DOCK1: variants seen among roughly 807,000 people sequenced by gnomAD.
DOCK1 encodes dedicator of cytokinesis 1, also known as dedicator of cytokinesis protein 1.
In DOCK1, 138 loss-of-function variants were observed where a neutral mutation model predicts 262.7. That is an observed-to-expected ratio of 0.53 (90% confidence interval 0.46 to 0.61). The LOEUF (loss-of-function observed/expected upper bound fraction) is 0.61. Ranked by LOEUF, DOCK1 falls within the 20% of genes least tolerant of loss-of-function variation. The pLI is 0.00. For synonymous variants in DOCK1, 866 were observed against 867.4 expected (o/e 1.00, Z 0.03); for missense variants, 1,908 against 2,370.7 (o/e 0.80, Z 4.05).
rs1592041265 is a variant in DOCK1 at position 127,104,055 on chromosome 10, C to A, written c.2446-2176C>A. ...GAGTGTCTTTTCAAGTACTTATTTGCCATCCATCTATCTTCTATGGAGAAT... is the reference window on the plus strand; with the variant it reads ...GAGTGTCTTTTCAAGTACTTATTTGACATCCATCTATCTTCTATGGAGAAT... On this transcript the variant is annotated intron_variant, in intron 23 of 51. Coordinates refer to ENST00000623213, the MANE Select transcript of DOCK1 (RefSeq NM_001290223.2). 2.0e-5 allele frequency among the ~76,000 whole-genome samples: 3 copies of A among 152,142 alleles called. No homozygotes were observed. In the South Asian group the frequency reaches 6.2e-4, roughly 32 times the overall value.
At chr10:127,102,004 A>G (rs1377178314) in intron 23 of DOCK1, among the ~76,000 whole-genome samples, 2 of 152,110 alleles carry the variant, frequency 1.3e-5, no homozygotes, top group Non-Finnish European at 2.9e-5. Flanking sequence ...AATTATTACG[A>G]TTTAGTGCTC....
At chr10:127,217,897 T>G (rs964839553) in intron 27 of DOCK1, among the ~76,000 whole-genome samples, 1 of 152,238 alleles carries the variant, frequency 6.6e-6, no homozygotes, top group Non-Finnish European at 1.5e-5. Flanking sequence ...AGTTTTATTT[T>G]TATGCATATG....
rs1373675641 is a variant in DOCK1, at chr10:127,175,525, C to G, written c.2847+47761C>G. The G allele has an allele frequency of 6.2e-7, 1 of 1,609,708 alleles. No homozygotes were observed. The highest frequency in any genetic ancestry group is 8.5e-7 in the Non-Finnish European group (1 of 1,180,012). On this transcript the variant is annotated intron_variant, in intron 27 of 51. Coordinates refer to ENST00000623213, the MANE Select transcript of DOCK1 (RefSeq NM_001290223.2). This position sits in a 1 kb window ranked among gnomAD's most constrained non-coding sequence, Gnocchi z 6.3. ...GCCTGGAGCCCGTTGAGATGTGTGG[C>G]TCTCCTCCGCTCGTCATCTGCCGGG...
intron 24 of DOCK1, among the ~76,000 whole-genome samples, chr10:127,107,898 C>T (rs997397845): frequency 2.6e-5 from 4 of 152,186 alleles, no homozygotes; most frequent in Non-Finnish European, 4.4e-5. Flanking sequence ...GGGGTATCGT[C>T]GATACTCTCA....
chr10:127,197,989 C>T (rs1159451956), intron 27 of DOCK1, among the ~76,000 whole-genome samples: 1 of 152,176 alleles, frequency 6.6e-6, no homozygotes, highest in African/African-American at 2.4e-5. Context: ...CAGATATGCC[C>T]AGGACGGGAG....
At chr10:127,247,082 C>T (rs763141546) in intron 27 of DOCK1, among the ~76,000 whole-genome samples, 5 of 152,186 alleles carry the variant, frequency 3.3e-5, no homozygotes, top group Admixed American at 6.5e-5. Context: ...ACAGAACTGC[C>T]TAGCTCACAA....
intron 29 of DOCK1, among the ~76,000 whole-genome samples, chr10:127,316,201 C>T (rs1240303828): frequency 6.6e-6 from 1 of 152,132 alleles, no homozygotes; most frequent in African/African-American, 2.4e-5. Context: ...TAGCAAATTT[C>T]CAGCATATGA....
Position 126,939,251 on chromosome 10 carries a change from C to G in DOCK1, c.47-31451C>G, listed in dbSNP as rs980423007. Among the ~76,000 whole-genome samples the G allele has an allele frequency of 7.3e-3, 1,109 of 152,254 alleles. 16 individuals are homozygous for G. Among genetic ancestry groups the G allele is most frequent in the African/African-American group, 0.025 (1,029 of 41,540 alleles). Reference sequence around the variant, plus strand: ...TTTCATCCTCCTGATTTAGTCACCCCTCAAAGTCCCACCATTTAAAACGAT... The same window carrying G: ...TTTCATCCTCCTGATTTAGTCACCCGTCAAAGTCCCACCATTTAAAACGAT... On this transcript the variant is annotated intron_variant, in intron 1 of 51. Transcript: ENST00000623213.
At chr10:127,023,414 G>C in intron 14 of DOCK1, 90 bp downstream of exon 14, 1 of 1,525,918 alleles carries the variant, frequency 6.6e-7, no homozygotes, top group South Asian at 1.3e-5. Context: ...GATGTCGTCA[G>C]GGTGGGGCTT....
At chr10:127,172,291 C>T (rs1471896352) in intron 27 of DOCK1, among the ~76,000 whole-genome samples, 1 of 152,058 alleles carries the variant, frequency 6.6e-6, no homozygotes, top group Non-Finnish European at 1.5e-5. Flanking sequence ...TGAAATTGGC[C>T]ACGGTAGCAG....
intron 27 of DOCK1, among the ~76,000 whole-genome samples, chr10:127,162,724 T>A (rs2053693938): frequency 6.6e-6 from 1 of 152,176 alleles, no homozygotes; most frequent in Admixed American, 6.5e-5. Context: ...TCATAGACCT[T>A]AATGGACTTT....
chr10:127,158,412 T>G (rs745919429), intron 27 of DOCK1, among the ~76,000 whole-genome samples: 1 of 152,200 alleles, frequency 6.6e-6, no homozygotes, highest in Non-Finnish European at 1.5e-5. Context: ...GAAGAACATT[T>G]GGATCACAAA....
Position 127,450,876 on chromosome 10 carries a change from G to A in DOCK1, c.5566-456G>A, listed in dbSNP as rs182319668. 3.5e-3 allele frequency among the ~76,000 whole-genome samples: 537 copies of A among 152,182 alleles called. 5 individuals are homozygous for A. The highest frequency in any genetic ancestry group is 0.029 in the South Asian group (141 of 4,816). ...GCATTGAGTGGCTGCAACAGAGACC[G>A]TGTGGCCTGCCAAAAAGCTGGAAAT... On this transcript the variant is annotated intron_variant, in intron 51 of 51. Transcript: ENST00000623213.
At chr10:127,074,959 C>T (rs566143507) in intron 23 of DOCK1, among the ~76,000 whole-genome samples, 5 of 151,848 alleles carry the variant, frequency 3.3e-5, no homozygotes, top group South Asian at 2.1e-4. Context: ...GTTGGGAGTT[C>T]GAGACTAGCC....
intron 1 of DOCK1, among the ~76,000 whole-genome samples, chr10:126,906,880 T>A (rs1325463710): frequency 6.6e-6 from 1 of 152,216 alleles, no homozygotes; most frequent in Non-Finnish European, 1.5e-5. Context: ...CCCTGGGTCC[T>A]ACCGGGCCTG....
chr10:127,154,055 T>G, intron 27 of DOCK1: 6 of 657,038 alleles, frequency 9.1e-6, no homozygotes, highest in African/African-American at 1.8e-5. Context: ...TAATGCATGC[T>G]TCCCAGTTTG....
intron 1 of DOCK1, among the ~76,000 whole-genome samples, chr10:126,910,138 T>C (rs1167792156): frequency 6.6e-6 from 1 of 152,240 alleles, no homozygotes; most frequent in African/African-American, 2.4e-5. Flanking sequence ...GATTTGATCA[T>C]AAGTAAATAG....
At chr10:127,333,305 G>A (rs2063063135) in intron 29 of DOCK1, among the ~76,000 whole-genome samples, 1 of 152,164 alleles carries the variant, frequency 6.6e-6, no homozygotes, top group Non-Finnish European at 1.5e-5. Context: ...GCCCCTGGAA[G>A]TTCCCTGCCT....
intron 47 of DOCK1, among the ~76,000 whole-genome samples, chr10:127,431,668 G>A (rs1430056845): frequency 6.6e-6 from 1 of 152,234 alleles, no homozygotes; most frequent in Non-Finnish European, 1.5e-5. Context: ...CCAGTGGTCA[G>A]CAAACTGTGG....
Sources: allele counts gnomAD v4.1 joint callset (sites outside exome capture counted in the v4.1 genomes callset), GRCh38; gene constraint gnomAD v4.1.1; non-coding constraint Gnocchi (gnomAD v3.1); transcripts MANE v1.5; gene names NCBI Gene and HGNC (gene_info 2026-07-23, HGNC 2026-07-21).